Variants in FHIT observed in about 807,000 individuals in gnomAD.
FHIT encodes fragile histidine triad diadenosine triphosphatase, also known as bis(5'-adenosyl)-triphosphatase.
Under a neutral mutation model 17.9 loss-of-function variants are expected in FHIT, and 19 were observed. The observed-to-expected ratio is 1.06, with a 90% CI of 0.74 to 1.56. The LOEUF is 1.56. Among genes scored for constraint, FHIT ranks in the 40% most tolerant of loss-of-function variants. The pLI, the probability that FHIT is intolerant of heterozygous loss-of-function variation, is 0.00. For missense variants in FHIT, 248 were observed against 189.2 expected, an observed-to-expected ratio of 1.31 and a Z score of -1.82; for synonymous variants, 81 against 69.7, an observed-to-expected ratio of 1.16 and a Z score of -0.81.
chr3:60,394,141 T>C (rs1188760831), intron 5 of FHIT, among the ~76,000 whole-genome samples: 1 of 152,116 alleles, frequency 6.6e-6, no homozygotes, highest in Non-Finnish European at 1.5e-5. Flanking sequence ...CTGAATGTAC[T>C]GGTTTGACTG....
At chr3:59,888,617 G>T (rs1227470148) in intron 8 of FHIT, among the ~76,000 whole-genome samples, 1 of 152,096 alleles carries the variant, frequency 6.6e-6, no homozygotes, top group African/African-American at 2.4e-5. Context: ...GAAAGGAAAT[G>T]GTCTATATTT....
intron 3 of FHIT, among the ~76,000 whole-genome samples, chr3:60,944,941 A>G (rs1708576597): frequency 6.6e-6 from 1 of 152,210 alleles, no homozygotes; most frequent in Non-Finnish European, 1.5e-5. Flanking sequence ...AGGATACAGA[A>G]GTCATAAGAT....
At chr3:61,206,498 C>T (rs537714945) in intron 1 of FHIT, among the ~76,000 whole-genome samples, 1 of 152,054 alleles carries the variant, frequency 6.6e-6, no homozygotes, top group Non-Finnish European at 1.5e-5. Flanking sequence ...TTTCATTGAG[C>T]AGTGGTTTGT....
At chr3:60,491,860 G>A (rs2034081961) in intron 5 of FHIT, among the ~76,000 whole-genome samples, 1 of 151,970 alleles carries the variant, frequency 6.6e-6, no homozygotes, top group African/African-American at 2.4e-5. Context: ...ACAATGAAAT[G>A]TTCCATTATA....
At position 61,082,192 on chromosome 3, in the gene FHIT, A is replaced by G. The variant is rs1575978763; in HGVS notation, c.-163-40093T>C. On this transcript the variant is annotated intron_variant, in intron 2 of 9. Transcript: ENST00000492590. ...CCACTTAAACACTACCCAAATCAAG[A>G]AATATAATATTATCATCATCCTAGA... Among the ~76,000 whole-genome samples the G allele has an allele frequency of 2.0e-5, 3 of 152,302 alleles. No individual in the cohort carries two copies. The South Asian group carries it at 6.2e-4, about 32-fold the overall frequency.
At chr3:59,771,769 A>T (rs1361244663) in intron 8 of FHIT, among the ~76,000 whole-genome samples, 1 of 152,204 alleles carries the variant, frequency 6.6e-6, no homozygotes, top group African/African-American at 2.4e-5. Context: ...TCATAAAAAA[A>T]TTTCACAAAT....
At chr3:60,727,403 G>A (rs1553709867) in intron 4 of FHIT, among the ~76,000 whole-genome samples, 1 of 152,178 alleles carries the variant, frequency 6.6e-6, no homozygotes, top group Non-Finnish European at 1.5e-5. Context: ...AGATAGGGAA[G>A]CCAGAGCAGC....
At chr3:60,003,202 G>A (rs1463276209) in intron 7 of FHIT, among the ~76,000 whole-genome samples, 1 of 152,058 alleles carries the variant, frequency 6.6e-6, no homozygotes, top group Non-Finnish European at 1.5e-5. Flanking sequence ...ATCCCACATT[G>A]CACTGCTTCC....
intron 5 of FHIT, among the ~76,000 whole-genome samples, chr3:60,360,191 A>G (rs1305893042): frequency 2.6e-5 from 4 of 152,030 alleles, no homozygotes; most frequent in Non-Finnish European, 4.4e-5. Flanking sequence ...TAATCAAACT[A>G]TTAAACACTA....
intron 4 of FHIT, among the ~76,000 whole-genome samples, chr3:60,794,134 GT>G (rs1700889313): frequency 6.6e-6 from 1 of 151,396 alleles, no homozygotes; most frequent in Non-Finnish European, 1.5e-5. Flanking sequence ...GGTAACCTTT[GT>G]TTACAGTTTT....
chr3:61,239,784 T>TATATATATATATATATAC (rs1350286112), intron 1 of FHIT, among the ~76,000 whole-genome samples: 6 of 139,660 alleles, frequency 4.3e-5, no homozygotes, highest in African/African-American at 1.6e-4. Flanking sequence ...TATATATATA[T>TATATATATATATATATAC]ACACAAATTC....
At chr3:60,560,466 C>G (rs2036897132) in intron 4 of FHIT, among the ~76,000 whole-genome samples, 1 of 151,998 alleles carries the variant, frequency 6.6e-6, no homozygotes, top group Non-Finnish European at 1.5e-5. Context: ...TAGGCAGTTC[C>G]CAGTAGTGCC....
rs563354233 is a variant in FHIT, at chr3:60,959,414, A to G, written c.-111+82633T>C. 7.2e-5 allele frequency among the ~76,000 whole-genome samples: 11 copies of G among 152,330 alleles called. No homozygotes were observed. In the East Asian group the frequency reaches 2.1e-3, roughly 29 times the overall value. ...CTCCATTCTATTAACAAATTTACAT[A>G]CATTCTTTTGTATGTTCAACAAACA... On this transcript the variant is annotated intron_variant, in intron 3 of 9. Transcript: ENST00000492590.
Position 60,168,999 on chromosome 3 carries a change from T to G in FHIT, c.104-154847A>C, listed in dbSNP as rs560988358. Among the ~76,000 whole-genome samples, 667 of 152,308 alleles carry G rather than the reference T, an allele frequency of 4.4e-3. 2 individuals carry two copies. Among genetic ancestry groups the G allele is most frequent in the Non-Finnish European group, 7.4e-3 (501 of 68,030 alleles). ...TGGCTTCAGGCCCCTTCCAGAGCAC[T>G]TGAAATACAGTTGGAGGATTCTTTG... On this transcript the variant is annotated intron_variant, in intron 5 of 9. Coordinates refer to ENST00000492590, the MANE Select transcript of FHIT (RefSeq NM_002012.4).
At chr3:61,215,906 A>G (rs980499438) in intron 1 of FHIT, among the ~76,000 whole-genome samples, 20 of 152,356 alleles carry the variant, frequency 1.3e-4, no homozygotes, top group African/African-American at 4.6e-4. Context: ...AGGATTCCCT[A>G]TTTAATAAAT....
intron 5 of FHIT, among the ~76,000 whole-genome samples, chr3:60,308,475 G>C (rs892629577): frequency 8.7e-6 from 1 of 114,820 alleles, no homozygotes; most frequent in Non-Finnish European, 1.8e-5. Context: ...TGCACGTATA[G>C]GTATAGGTAT....
chr3:60,289,320 T>A (rs1313432962), intron 5 of FHIT, among the ~76,000 whole-genome samples: 1 of 152,222 alleles, frequency 6.6e-6, no homozygotes, highest in Non-Finnish European at 1.5e-5. Context: ...TAATGAATCT[T>A]TAGACCTAGA....
At chr3:60,909,029 A>T (rs1706579968) in intron 3 of FHIT, among the ~76,000 whole-genome samples, 1 of 152,148 alleles carries the variant, frequency 6.6e-6, no homozygotes, top group African/African-American at 2.4e-5. Context: ...ATATTTTCAT[A>T]CTCAACATGT....
rs1559805931 is a variant in FHIT, at chr3:60,892,300, G to A, written c.-110-70289C>T. Among the ~76,000 whole-genome samples the A allele has an allele frequency of 2.0e-5, 3 of 152,036 alleles. 1 individual carries two copies. Among genetic ancestry groups the A allele is most frequent in the African/African-American group, 7.2e-5 (3 of 41,400 alleles). On this transcript the variant is annotated intron_variant, in intron 3 of 9. Transcript: ENST00000492590. ...GTAAGCAAGCCCATAGCCTCCCCTG[G>A]AAGGCACTGCCATTGTTTCCAATAC...
Sources: gnomAD v4.1 joint callset for allele counts (sites outside exome capture counted in the v4.1 genomes callset) on GRCh38, gnomAD v4.1.1 for gene constraint, MANE v1.5 for transcripts, NCBI Gene and HGNC (gene_info 2026-07-23, HGNC 2026-07-21) for gene names.